The following CDH8 variants were observed in gnomAD, a reference collection of about 807,000 sequenced individuals.
The protein encoded by CDH8 is cadherin-8.
In CDH8, 17 loss-of-function variants were observed where a neutral mutation model predicts 68.1. The observed-to-expected ratio is 0.25, with a 90% CI of 0.17 to 0.37. The LOEUF is 0.37. Among genes scored for constraint, CDH8 ranks in the 10% least tolerant of loss-of-function variants. The pLI, the probability that CDH8 is intolerant of heterozygous loss-of-function variation, is 1.00. For missense variants in CDH8, 763 were observed against 999.3 expected (o/e 0.76, Z 3.19); for synonymous variants, 372 against 365.1 (o/e 1.02, Z -0.21).
chr16:61,743,222 C>G (rs979660541), intron 8 of CDH8: 1 of 152,150 alleles, frequency 6.6e-6, no homozygotes, highest in Non-Finnish European at 1.5e-5. Flanking sequence ...GACTACCCTA[C>G]GTTCTCCTAC....
intron 9 of CDH8, among the ~76,000 whole-genome samples, chr16:61,723,978 T>A (rs569339937): frequency 6.7e-6 from 1 of 149,294 alleles, no homozygotes; most frequent in South Asian, 2.1e-4. Context: ...TACCTGAAAC[T>A]ATCAGATTTT....
chr16:61,784,141 C>G (rs1226718244), intron 8 of CDH8, among the ~76,000 whole-genome samples: 1 of 151,456 alleles, frequency 6.6e-6, no homozygotes, highest in Non-Finnish European at 1.5e-5. Flanking sequence ...CACAGACTGG[C>G]AAATTGGATA....
intron 3 of CDH8, 29 bp downstream of exon 3, chr16:61,901,150 T>A (rs748234497): frequency 2.5e-6 from 4 of 1,590,006 alleles, no homozygotes; most frequent in South Asian, 2.2e-5. Flanking sequence ...TGACTTTTAA[T>A]AGATCTGTGA....
At chr16:61,929,193 G>A (rs1439377063) in intron 2 of CDH8, among the ~76,000 whole-genome samples, 1 of 152,212 alleles carries the variant, frequency 6.6e-6, no homozygotes, top group Non-Finnish European at 1.5e-5. Context: ...ACAGGCGTGA[G>A]CCACAGCGCC....
intron 2 of CDH8, among the ~76,000 whole-genome samples, chr16:61,934,740 A>G (rs1964601860): frequency 6.6e-6 from 1 of 152,104 alleles, no homozygotes; most frequent in Non-Finnish European, 1.5e-5. Flanking sequence ...ACTGGGCACA[A>G]TGCTTAGTGT....
intron 10 of CDH8, among the ~76,000 whole-genome samples, chr16:61,703,664 C>T (rs1229959546): frequency 6.6e-6 from 1 of 152,008 alleles, no homozygotes; most frequent in Non-Finnish European, 1.5e-5. Flanking sequence ...CACAGTGAAA[C>T]GCCGTCTCTA....
At chr16:61,961,923 C>T (rs10451106) in intron 2 of CDH8, among the ~76,000 whole-genome samples, 18,193 of 152,122 alleles carry the variant, frequency 0.12, 1,106 homozygotes, top group South Asian at 0.16. Flanking sequence ...CTTTGACTCC[C>T]CCAAAAAACT....
chr16:61,701,614 T>C (rs543430436), intron 10 of CDH8, among the ~76,000 whole-genome samples: 1 of 152,340 alleles, frequency 6.6e-6, no homozygotes, highest in East Asian at 1.9e-4. Context: ...TTTCCAGTAT[T>C]ATTCACTAGA....
At chr16:61,826,172 T>C (rs891825899) in intron 4 of CDH8, among the ~76,000 whole-genome samples, 1 of 151,894 alleles carries the variant, frequency 6.6e-6, no homozygotes, top group African/African-American at 2.4e-5. Context: ...ATTCTGAGAC[T>C]TTCTTTTTCT....
intron 8 of CDH8, among the ~76,000 whole-genome samples, chr16:61,788,023 G>T (rs1475616417): frequency 1.4e-5 from 2 of 147,388 alleles, no homozygotes; most frequent in Non-Finnish European, 3.0e-5. Context: ...CACCAGCATG[G>T]CACATGTATA....
At position 61,652,511 on chromosome 16, in the gene CDH8, T is replaced by C. The variant is rs553014260; in HGVS notation, c.*1097A>G. On this transcript the variant is annotated 3_prime_UTR_variant, in exon 12 of 12. Transcript: ENST00000577390. ...CAAAAGTTTGTCTGGGAAGATGCTG[T>C]TCCTGCCATCTCCAGTTACAATAAC... The C allele has an allele frequency of 3.5e-4, 350 of 1,008,982 alleles. No homozygotes were observed. The African/African-American group carries it at 5.4e-3, about 16-fold the overall frequency. The allele number at this position is 1,008,982 out of a possible 1,614,324, so 62.5% of individuals were successfully genotyped here.
intron 4 of CDH8, among the ~76,000 whole-genome samples, chr16:61,832,528 AGT>A (rs2143004910): frequency 6.6e-6 from 1 of 151,934 alleles, no homozygotes; most frequent in South Asian, 2.1e-4. Flanking sequence ...CAACTGATCA[AGT>A]GAATCAGCAA....
intron 2 of CDH8, among the ~76,000 whole-genome samples, chr16:62,005,206 A>C (rs1965954137): frequency 6.6e-6 from 1 of 152,214 alleles, no homozygotes; most frequent in Non-Finnish European, 1.5e-5. Context: ...AACTGTGCTA[A>C]CTTTTCTCAC....
chr16:61,976,080 A>G (rs550075958), intron 2 of CDH8, among the ~76,000 whole-genome samples: 2 of 152,180 alleles, frequency 1.3e-5, no homozygotes, highest in African/African-American at 4.8e-5. Flanking sequence ...AAAAAATAAC[A>G]CTCCTTTTCT....
chr16:61,653,336 TTGTC>T lies in CDH8; in HGVS notation c.*268_*271del. The T allele has an allele frequency of 1.6e-6, 2 of 1,221,506 alleles. No individual in the cohort carries two copies. The highest frequency in any genetic ancestry group is 1.0e-6 in the Non-Finnish European group (1 of 982,704). 75.7% of individuals were successfully genotyped at this position (1,221,506 alleles called of 1,614,324 possible). ...TAAGGATTAGCCAGGATCCCAATCT[TTGTC>T]TGTGGTGGTCAGGTAAATATCAAAT... On this transcript the variant is annotated 3_prime_UTR_variant, in exon 12 of 12. Transcript: ENST00000577390.
chr16:61,648,058 G>C lies in CDH8; in HGVS notation c.*5550C>G, dbSNP rs1596826652. The C allele has an allele frequency of 1.3e-5, 7 of 534,362 alleles. No homozygotes were observed. The highest frequency in any genetic ancestry group is 2.3e-5 in the Non-Finnish European group (7 of 301,166). The allele number at this position is 534,362 out of a possible 1,614,324, so 33.1% of individuals were successfully genotyped here. On this transcript the variant is annotated 3_prime_UTR_variant, in exon 12 of 12. Coordinates refer to ENST00000577390, the MANE Select transcript of CDH8 (RefSeq NM_001796.5). ...TGCCTACTAACCTTGAGACCTAGATGAAACTTCCACACATAAAGGAAGGAG... is the reference window on the plus strand; with the variant it reads ...TGCCTACTAACCTTGAGACCTAGATCAAACTTCCACACATAAAGGAAGGAG...
chr16:61,736,990 A>G (rs1035306146), intron 8 of CDH8, among the ~76,000 whole-genome samples: 3 of 152,232 alleles, frequency 2.0e-5, no homozygotes, highest in Non-Finnish European at 2.9e-5. Context: ...GTTTTCACAT[A>G]TGATAGAAGA....
At chr16:61,721,482 C>T (rs140740871) in intron 9 of CDH8, among the ~76,000 whole-genome samples, 39 of 150,812 alleles carry the variant, frequency 2.6e-4, no homozygotes, top group African/African-American at 8.9e-4. Context: ...TAGAAAAAGA[C>T]TCACAGAAAC....
chr16:61,948,950 G>A (rs1487090250), intron 2 of CDH8, among the ~76,000 whole-genome samples: 3 of 152,122 alleles, frequency 2.0e-5, no homozygotes, highest in Non-Finnish European at 4.4e-5. Context: ...TATCAAAAGT[G>A]TTTAAATGCA....
Sources: allele counts gnomAD v4.1 joint callset (sites outside exome capture counted in the v4.1 genomes callset), GRCh38; gene constraint gnomAD v4.1.1; transcripts MANE v1.5; gene names NCBI Gene and HGNC (gene_info 2026-07-23, HGNC 2026-07-21).